The following STAMBPL1 variants were observed in gnomAD, a reference collection of about 807,000 sequenced individuals.
STAMBPL1 encodes STAM binding protein like 1.
A neutral mutation model predicts 52.9 loss-of-function variants in STAMBPL1; 44 were observed. That is an observed-to-expected ratio of 0.83 (90% CI 0.65 to 1.07). The LOEUF (loss-of-function observed/expected upper bound fraction) is 1.07, where lower values mean the gene tolerates loss of function less well. Ranked by LOEUF, STAMBPL1 falls within the 50% of genes least tolerant of loss-of-function variation. The pLI is 0.00. For synonymous variants in STAMBPL1, 164 were observed against 177.3 expected (o/e 0.92, Z 0.60); for missense variants, 511 against 520.8 (o/e 0.98, Z 0.18).
chr10:88,896,995 T>C (rs1844827521), intron 1 of STAMBPL1, among the ~76,000 whole-genome samples: 1 of 152,210 alleles, frequency 6.6e-6, no homozygotes, highest in African/African-American at 2.4e-5. Context: ...TTGCTGCTGA[T>C]TTTAAAGGGC....
intron 4 of STAMBPL1, among the ~76,000 whole-genome samples, 170 bp from the exon 5 acceptor site, chr10:88,910,746 A>G (rs1845201028): frequency 6.6e-6 from 1 of 152,196 alleles, no homozygotes; most frequent in South Asian, 2.1e-4. Flanking sequence ...TTCCTGCTGG[A>G]AAGTTATATT....
chr10:88,900,131 A>C (rs1278488976), intron 1 of STAMBPL1, among the ~76,000 whole-genome samples: 1 of 152,190 alleles, frequency 6.6e-6, no homozygotes, highest in African/African-American at 2.4e-5. Context: ...ATGGAGGGGA[A>C]AGACTGGAAT....
intron 1 of STAMBPL1, among the ~76,000 whole-genome samples, chr10:88,899,464 C>T (rs1028382775): frequency 6.6e-6 from 1 of 152,162 alleles, no homozygotes; most frequent in Non-Finnish European, 1.5e-5. Flanking sequence ...ATTCTATGCT[C>T]TCTCTTTATG....
chr10:88,887,994 A>AAT (rs1242818978), intron 1 of STAMBPL1, among the ~76,000 whole-genome samples: 3 of 152,210 alleles, frequency 2.0e-5, no homozygotes, highest in Non-Finnish European at 4.4e-5. Flanking sequence ...TTCATGTAAT[A>AAT]ATATATATGT....
chr10:88,903,847 G>T (rs1292616452), intron 2 of STAMBPL1, among the ~76,000 whole-genome samples: 1 of 152,150 alleles, frequency 6.6e-6, no homozygotes, highest in African/African-American at 2.4e-5. Context: ...GACATGGTAT[G>T]GTTCTTACTT....
At chr10:88,908,045 TG>T (rs544696029) in intron 3 of STAMBPL1, among the ~76,000 whole-genome samples, 135 of 152,336 alleles carry the variant, frequency 8.9e-4, no homozygotes, top group African/African-American at 3.1e-3. Context: ...GATACATCAG[TG>T]CATAAAAAAG....
In STAMBPL1 at chr10:88,913,202, G is replaced by A. The variant is rs773945460; in HGVS notation, c.522G>A (p.Ser174=). 13 of 1,613,706 alleles carry A rather than the reference G, an allele frequency of 8.1e-6. No homozygotes were observed. The East Asian group carries it at 8.9e-5, about 11-fold the overall frequency. Residue 174 remains serine, a synonymous_variant, in exon 6 of 11, where the codon TCG becomes TCA. Transcript: ENST00000371926. The stretch of plus-strand genomic sequence containing the variant: ...AGATGCGCCAGCAGCAGCTAGAATC[G>A]GAGCAGTTTCTGTTTTTCGAAGATC... The part of the protein sequence containing the change: ...IAQMRQQQLE[S]EQFLFFEDQL...
intron 1 of STAMBPL1, among the ~76,000 whole-genome samples, chr10:88,900,885 C>T (rs1844928034): frequency 6.6e-6 from 1 of 152,152 alleles, no homozygotes. Context: ...AGTCATCTTC[C>T]AAGCTTGTAT....
chr10:88,889,010 T>G (rs1290282194), intron 1 of STAMBPL1, among the ~76,000 whole-genome samples: 1 of 152,242 alleles, frequency 6.6e-6, no homozygotes, highest in Non-Finnish European at 1.5e-5. Context: ...AATACATTTG[T>G]ATTCATATTA....
At chr10:88,914,347 C>A (rs1047968702) in intron 6 of STAMBPL1, among the ~76,000 whole-genome samples, 187 bp from the exon 7 acceptor site, 1 of 151,984 alleles carries the variant, frequency 6.6e-6, no homozygotes, top group African/African-American at 2.4e-5. Context: ...AATTTATATA[C>A]ATAATTTAAT....
chr10:88,898,944 C>T (rs931982502), intron 1 of STAMBPL1, among the ~76,000 whole-genome samples: 1 of 152,218 alleles, frequency 6.6e-6, no homozygotes, highest in Non-Finnish European at 1.5e-5. Flanking sequence ...AAACTAGAGA[C>T]ATGCAGAAGT....
In STAMBPL1 at chr10:88,883,205, C is replaced by T. The variant is rs115377319; in HGVS notation, c.-54+2567C>T. ...GACATGAACTCATCCTTTTTTACTACATCACCTCTTCTGCTATTTTTTAAA... is the reference window on the plus strand; with the variant it reads ...GACATGAACTCATCCTTTTTTACTATATCACCTCTTCTGCTATTTTTTAAA... On this transcript the variant is annotated intron_variant, in intron 1 of 10. Transcript: ENST00000371926. Among the ~76,000 whole-genome samples, 634 of 152,188 alleles carry T rather than the reference C, an allele frequency of 4.2e-3. 4 individuals are homozygous for T. The highest frequency in any genetic ancestry group is 0.014 in the African/African-American group (590 of 41,494).
chr10:88,913,402 A>G lies in STAMBPL1; in HGVS notation c.722A>G (p.His241Arg), dbSNP rs565075265. 3.1e-5 allele frequency: 50 copies of G among 1,613,392 alleles called. No individual in the cohort carries two copies. In the East Asian group the frequency reaches 4.2e-4, roughly 14 times the overall value. Residue 241 changes from histidine to arginine, a missense_variant, in exon 6 of 11, where the codon CAC becomes CGC. Coordinates refer to ENST00000371926, the MANE Select transcript of STAMBPL1 (RefSeq NM_020799.4). ...AGTGATGCAACCAATTATGCTAGCC[A>G]CTCTCCTCCTGTAAACAGGGCCTTA... ...NKSDATNYAS[H>R]SPPVNRALTP...
chr10:88,897,274 G>C (rs1037235738), intron 1 of STAMBPL1, among the ~76,000 whole-genome samples: 1 of 152,128 alleles, frequency 6.6e-6, no homozygotes, highest in Non-Finnish European at 1.5e-5. Context: ...CTGGGACAGG[G>C]GTTGGCCTCC....
chr10:88,907,751 A>G (rs1845110859), intron 3 of STAMBPL1, among the ~76,000 whole-genome samples: 1 of 152,232 alleles, frequency 6.6e-6, no homozygotes, highest in African/African-American at 2.4e-5. Flanking sequence ...AAAGGCTTAG[A>G]TAGCTAACAA....
chr10:88,914,624 G>A lies in STAMBPL1; in HGVS notation c.869G>A (p.Gly290Glu). The change falls in exon 7 of 11, where the codon GGA becomes GAA. Residue 290 changes from glycine to glutamate, a missense_variant. Coordinates refer to ENST00000371926, the MANE Select transcript of STAMBPL1 (RefSeq NM_020799.4). ...LQLAESNTVR[G>E]IETCGILCGK... ...CTGGCAGAATCTAATACAGTGAGAG[G>A]AATAGAAACCTGTGGAATACTCTGT... The A allele has an allele frequency of 6.8e-7, 1 of 1,480,596 alleles. No homozygotes were observed. The highest frequency in any genetic ancestry group is 1.4e-5 in the African/African-American group (1 of 70,046). 91.7% of individuals were successfully genotyped at this position (1,480,596 alleles called of 1,614,324 possible). A position where few individuals can be genotyped will look rare whatever the true frequency, so the allele number is the denominator to read the frequency against.
intron 7 of STAMBPL1, 124 bp from the exon 8 acceptor site, chr10:88,916,556 G>T: frequency 1.4e-6 from 1 of 718,184 alleles, no homozygotes. Flanking sequence ...GATGTAAGTG[G>T]TCCCTGTACC....
At chr10:88,900,350 G>A (rs1844914814) in intron 1 of STAMBPL1, among the ~76,000 whole-genome samples, 1 of 152,104 alleles carries the variant, frequency 6.6e-6, no homozygotes, top group African/African-American at 2.4e-5. Context: ...GGGGTATAAA[G>A]GACAAAATAA....
intron 1 of STAMBPL1, among the ~76,000 whole-genome samples, chr10:88,893,540 G>A (rs993661468): frequency 2.6e-5 from 4 of 152,170 alleles, no homozygotes; most frequent in African/African-American, 7.2e-5. Context: ...TCAGGAGTTC[G>A]AGACCAGCCT....
Sources: gnomAD v4.1 joint callset for allele counts (sites outside exome capture counted in the v4.1 genomes callset) on GRCh38, gnomAD v4.1.1 for gene constraint, MANE v1.5 for transcripts, NCBI Gene and HGNC (gene_info 2026-07-23, HGNC 2026-07-21) for gene names.